SORBS3: variants seen among roughly 807,000 people sequenced by gnomAD.
The protein encoded by SORBS3 is vinexin.
A neutral mutation model predicts 98.0 loss-of-function variants in SORBS3; 69 were observed. That is an observed-to-expected ratio of 0.70 (90% CI 0.58 to 0.86). The LOEUF is 0.86. Ranked by LOEUF, SORBS3 falls within the 40% of genes least tolerant of loss-of-function variation. The probability of loss-of-function intolerance (pLI) is 0.00; values close to 1 mark genes in which losing one functional copy is unlikely to be tolerated. For missense variants in SORBS3, 954 were observed against 908.5 expected (o/e 1.05, Z -0.64); for synonymous variants, 394 against 355.4 (o/e 1.11, Z -1.22).
Position 22,566,914 on chromosome 8 carries a change from C to T in SORBS3, c.1190+46C>T, listed in dbSNP as rs779673600. The T allele has an allele frequency of 7.5e-6, 12 of 1,591,260 alleles. No individual in the cohort carries two copies. In the African/African-American group the frequency reaches 1.1e-4, roughly 14 times the overall value. ...CCCCTTCCACCCAAGGCAATCTCTG[C>T]CATCCCAGAGGGGGATGGGGAGGGG... On this transcript the variant is annotated intron_variant, in intron 15 of 20. Coordinates refer to ENST00000240123, the MANE Select transcript of SORBS3 (RefSeq NM_005775.5).
intron 20 of SORBS3, among the ~76,000 whole-genome samples, chr8:22,573,101 TG>T (rs1290367247): frequency 6.6e-6 from 1 of 151,520 alleles, no homozygotes; most frequent in Admixed American, 6.6e-5. Context: ...CCTGAGGAGT[TG>T]GGGGGCTGCT....
At position 22,553,606 on chromosome 8, in the gene SORBS3, T is replaced by C. The variant is rs373761919; in HGVS notation, c.-55-846T>C. Among the ~76,000 whole-genome samples, 141 of 152,292 alleles carry C rather than the reference T, an allele frequency of 9.3e-4. 5 individuals carry two copies. The highest frequency in any genetic ancestry group is 3.5e-3 in the East Asian group (18 of 5,180). On this transcript the variant is annotated intron_variant, in intron 1 of 20. Coordinates refer to ENST00000240123, the MANE Select transcript of SORBS3 (RefSeq NM_005775.5). ...GGGATGAGGCAGAAGAAGCTGGCTGTGGGCAGGCATGGTGCTGCCAGGGAA... is the reference window on the plus strand; with the variant it reads ...GGGATGAGGCAGAAGAAGCTGGCTGCGGGCAGGCATGGTGCTGCCAGGGAA...
At chr8:22,548,475 C>T (rs562246056), upstream of SORBS3, among the ~76,000 whole-genome samples, 2 of 152,326 alleles carry the variant, frequency 1.3e-5, no homozygotes, top group South Asian at 4.1e-4. Flanking sequence ...GCAGTGCTTT[C>T]TGCGCTAACC....
At chr8:22,565,461 C>A in intron 11 of SORBS3, 107 bp downstream of exon 11, 2 of 853,914 alleles carry the variant, frequency 2.3e-6, no homozygotes, top group Middle Eastern at 3.9e-4. Context: ...AGCCGAGGTC[C>A]GGCCTCCAGC....
chr8:22,566,188 C>T, intron 12 of SORBS3, 157 bp from the exon 13 acceptor site: 2 of 1,001,454 alleles, frequency 2.0e-6, no homozygotes, highest in Non-Finnish European at 2.8e-6. Flanking sequence ...CGCAGCGACT[C>T]GGGAAGTAGG....
Position 22,566,470 on chromosome 8 carries a change from C to A in SORBS3, c.1076C>A (p.Pro359His). Residue 359 changes from proline (P) to histidine (H), a missense_variant, in exon 13 of 21, where the codon CCT becomes CAT. Physicochemically the swap from Pro to His is moderately conservative, Grantham distance 77. Coordinates refer to ENST00000240123, the MANE Select transcript of SORBS3 (RefSeq NM_005775.5). ...CTAGGTCGGAGGGACTTTGTCTACC[C>A]TTCCTCAACCCGAGGTAAGGACCCA... ...PFLGRRDFVY[P>H]SSTRDPSASN... 6.2e-7 allele frequency: 1 copy of A among 1,613,790 alleles called. No individual in the cohort carries two copies. Among genetic ancestry groups the A allele is most frequent in the Non-Finnish European group, 8.5e-7 (1 of 1,179,846 alleles).
upstream of SORBS3, among the ~76,000 whole-genome samples, chr8:22,548,220 T>C (rs1193063585): frequency 6.6e-6 from 1 of 152,202 alleles, no homozygotes; most frequent in Non-Finnish European, 1.5e-5. Context: ...AAATGGGTCA[T>C]TTGCACTCCC....
rs115585589 is a variant in SORBS3, at chr8:22,553,763, C to T, written c.-55-689C>T. Among the ~76,000 whole-genome samples the T allele has an allele frequency of 5.3e-3, 814 of 152,328 alleles. 13 individuals are homozygous for T. The highest frequency in any genetic ancestry group is 0.018 in the African/African-American group (763 of 41,570). ...AGCACCAACTCTCCATGGGCATGAG[C>T]AGGTTCAGCTCTGCCCTCACCCACC... On this transcript the variant is annotated intron_variant, in intron 1 of 20. Coordinates refer to ENST00000240123, the MANE Select transcript of SORBS3 (RefSeq NM_005775.5).
Position 22,554,023 on chromosome 8 carries a change from G to C in SORBS3, c.-55-429G>C, listed in dbSNP as rs1280165638. Among the ~76,000 whole-genome samples, 1 of 152,202 alleles carries C rather than the reference G, an allele frequency of 6.6e-6. No individual in the cohort carries two copies. Among genetic ancestry groups the C allele is most frequent in the Non-Finnish European group, 1.5e-5 (1 of 68,018 alleles). On this transcript the variant is annotated intron_variant, in intron 1 of 20. Transcript: ENST00000240123. This position sits in a 1 kb window ranked among gnomAD's most constrained non-coding sequence, Gnocchi z 6.5. ...CAGGCAAGAGATGCCCACACGGCCT[G>C]GGGGAGGCAGAGGGAACTGAAACAA...
Position 22,565,888 on chromosome 8 carries a change from GGGA to G in SORBS3, c.950+23_950+25del. On this transcript the variant is annotated intron_variant, in intron 12 of 20. Transcript: ENST00000240123. ...CCCCGGCCGGGTGAGTGGGAGACGC[GGGA>G]GGAGGAAGGGGGCTGTCCCAGGCCG... 1 of 1,249,158 alleles carries G rather than the reference GGGA, an allele frequency of 8.0e-7. No individual in the cohort carries two copies. Among genetic ancestry groups the G allele is most frequent in the Non-Finnish European group, 1.0e-6 (1 of 996,158 alleles). 77.4% of individuals were successfully genotyped at this position (1,249,158 alleles called of 1,614,324 possible).
chr8:22,564,826 TGATTCG>T (rs1022430329), intron 10 of SORBS3: 2 of 1,298,256 alleles, frequency 1.5e-6, no homozygotes, highest in African/African-American at 3.0e-5. Flanking sequence ...TCCGAGGGCC[TGATTCG>T]GCGAAGACCC....
chr8:22,561,257 C>T (rs1013299780), intron 5 of SORBS3, 78 bp from the exon 6 acceptor site: 19 of 1,386,432 alleles, frequency 1.4e-5, no homozygotes, highest in Middle Eastern at 2.7e-4. Flanking sequence ...ATGTTGGGAG[C>T]GGCTGAGGTT....
chr8:22,561,000 G>C (rs533121490), intron 5 of SORBS3: 2 of 291,558 alleles, frequency 6.9e-6, no homozygotes, highest in African/African-American at 4.3e-5. Flanking sequence ...GTTTGGAAGA[G>C]GGTGCAAGTC....
chr8:22,547,509 GTACTTTATGGTATC>G (rs1444760048), upstream of SORBS3, among the ~76,000 whole-genome samples: 4 of 152,332 alleles, frequency 2.6e-5, no homozygotes, highest in East Asian at 7.7e-4. Context: ...GGCCAGAGCC[GTACTTTATGGTATC>G]CACTGGGCCA....
At position 22,554,801 on chromosome 8, in the gene SORBS3, T is replaced by A; in HGVS notation, c.103-62T>A. ...ACCGAGGGGTGTGGGCTGTGCCTAG[T>A]AGCCATCCCTCCCTCCCGCCCTGCT... On this transcript the variant is annotated intron_variant, in intron 2 of 20. Transcript: ENST00000240123. This position sits in a 1 kb window ranked among gnomAD's most constrained non-coding sequence, Gnocchi z 6.5. 6.8e-7 allele frequency: 1 copy of A among 1,465,808 alleles called. No individual in the cohort carries two copies. The highest frequency in any genetic ancestry group is 9.5e-7 in the Non-Finnish European group (1 of 1,056,776). 90.8% of individuals were successfully genotyped at this position (1,465,808 alleles called of 1,614,324 possible). A position where few individuals can be genotyped will look rare whatever the true frequency, so the allele number is the denominator to read the frequency against.
Position 22,574,653 on chromosome 8 carries a change from C to T in SORBS3, c.1955-14C>T, listed in dbSNP as rs779734095. On this transcript the variant is annotated splice_polypyrimidine_tract_variant and intron_variant, in intron 20 of 20. Coordinates refer to ENST00000240123, the MANE Select transcript of SORBS3 (RefSeq NM_005775.5). ...AGGGAGTGGGGAAAGCTCTTCCTGC[C>T]TTTCCTCTTTCAGGTGTCTCCCGGA... The T allele has an allele frequency of 3.1e-6, 5 of 1,612,742 alleles. No individual in the cohort carries two copies. The South Asian group carries it at 4.4e-5, about 14-fold the overall frequency.
intron 1 of SORBS3, among the ~76,000 whole-genome samples, chr8:22,545,664 G>A (rs1586882888): frequency 6.6e-6 from 1 of 152,240 alleles, no homozygotes; most frequent in East Asian, 1.9e-4. Context: ...AAGAAGTGAG[G>A]ACATGGAGGC....
intron 15 of SORBS3, 68 bp from the exon 16 acceptor site, chr8:22,566,993 C>T: frequency 6.5e-7 from 1 of 1,548,724 alleles, no homozygotes; most frequent in Non-Finnish European, 8.9e-7. Context: ...GTGTGTTGGG[C>T]AGGGTCTGAA....
chr8:22,548,980 G>C (rs562333407), upstream of SORBS3, among the ~76,000 whole-genome samples: 3 of 152,348 alleles, frequency 2.0e-5, no homozygotes, highest in Admixed American at 2.0e-4. Flanking sequence ...TCCCCTGCAG[G>C]GGGGTGGGGG....
Sources: allele counts gnomAD v4.1 joint callset (sites outside exome capture counted in the v4.1 genomes callset), GRCh38; gene constraint gnomAD v4.1.1; non-coding constraint Gnocchi (gnomAD v3.1); transcripts MANE v1.5; gene names NCBI Gene and HGNC (gene_info 2026-07-23, HGNC 2026-07-21).